CCNB3: variants seen among roughly 807,000 people sequenced by gnomAD.
CCNB3 encodes the protein cyclin B3, also known as G2/mitotic-specific cyclin-B3.
Under a neutral mutation model 68.0 loss-of-function variants are expected in CCNB3, and 12 were observed. The observed-to-expected ratio is 0.18, with a 90% CI of 0.11 to 0.29. CCNB3 has a LOEUF of 0.29. CCNB3 is among the 10% of genes least tolerant of loss of function. The pLI is 1.00. For missense variants in CCNB3, 904 were observed against 993.1 expected (o/e 0.91, Z 1.21); for synonymous variants, 354 against 388.9 (o/e 0.91, Z 1.06).
chrX:50,295,084 C>A, intron 5 of CCNB3, 91 bp downstream of exon 5: 1 of 946,450 alleles, frequency 1.1e-6, no homozygotes, highest in Non-Finnish European at 1.5e-6. Flanking sequence ...TAGCAAGCCA[C>A]AATGGTGACT....
In CCNB3 at chrX:50,347,718, C is replaced by G. The variant is rs145795439; in HGVS notation, c.3903C>G (p.Ser1301=). Residue 1301 remains serine, a synonymous_variant, in exon 11 of 13, where the codon TCC becomes TCG. Coordinates refer to ENST00000376042, the MANE Select transcript of CCNB3 (RefSeq NM_033031.3). ...QEYHYVQEKA[S]KLAAASLLLA... is the part of the protein sequence containing the mutation. ...ACCACTATGTCCAGGAGAAGGCTTC[C>G]AAGCTAGCTGCTGCCTCCTTACTCC... is the stretch of plus-strand genomic sequence containing the variant. 1.1e-3 allele frequency: 1,375 copies of G among 1,208,627 alleles called. 5 individuals carry two copies. Among genetic ancestry groups the G allele is most frequent in the South Asian group, 1.2e-3 (70 of 56,632 alleles).
At chrX:50,212,749 G>T (rs1177001506) in intron 1 of CCNB3, among the ~76,000 whole-genome samples, 1,858 of 110,964 alleles carry the variant, frequency 0.017, 16 homozygotes, top group Middle Eastern at 0.028. Context: ...GCCTATTCTG[G>T]ATATTCAATA....
intron 8 of CCNB3, among the ~76,000 whole-genome samples, chrX:50,318,514 AAAC>A (rs1188293785): frequency 1.5e-4 from 17 of 111,727 alleles, no homozygotes; most frequent in Non-Finnish European, 2.1e-4. Context: ...CTCCATCTCA[AAAC>A]AACAACAACA....
chrX:50,331,699 T>C (rs1475209560), intron 8 of CCNB3, among the ~76,000 whole-genome samples: 1 of 111,710 alleles, frequency 9.0e-6, no homozygotes, highest in Non-Finnish European at 1.9e-5. Context: ...AAATTTCTTG[T>C]TTTTCCTGGA....
At chrX:50,228,347 A>G (rs1204532662) in intron 1 of CCNB3, among the ~76,000 whole-genome samples, 1 of 93,818 alleles carries the variant, frequency 1.1e-5, no homozygotes, top group Admixed American at 1.4e-4. Flanking sequence ...ATATACATAC[A>G]TATATAGAAG....
At chrX:50,227,556 AT>A (rs1364475196) in intron 1 of CCNB3, among the ~76,000 whole-genome samples, 3 of 88,835 alleles carry the variant, frequency 3.4e-5, no homozygotes, top group African/African-American at 1.2e-4. Flanking sequence ...AGAGAGAGAT[AT>A]AAATACAAAT....
At position 50,309,054 on chromosome X, in the gene CCNB3, G is replaced by A; in HGVS notation, c.885G>A (p.Lys295=). 8.3e-7 allele frequency: 1 copy of A among 1,211,215 alleles called. No individual in the cohort carries two copies. Among genetic ancestry groups the A allele is most frequent in the Non-Finnish European group, 1.1e-6 (1 of 895,132 alleles). Residue 295 remains lysine (K), a synonymous_variant, in exon 6 of 13, where the codon AAG becomes AAA. Transcript: ENST00000376042. ...AGAAGAAATGTACCATTTATGGGAA[G>A]ATATGCCACTTTAGGAAGCCACCAG... ...SLKKKCTIYG[K]ICHFRKPPVL...
chrX:50,313,642 A>T (rs1921580253), intron 7 of CCNB3, among the ~76,000 whole-genome samples: 1 of 111,651 alleles, frequency 9.0e-6, no homozygotes, highest in Non-Finnish European at 1.9e-5. Flanking sequence ...TTCCCCCTGG[A>T]TTCTTCAATA....
At position 50,310,565 on chromosome X, in the gene CCNB3, A is replaced by G. The variant is rs1557214614; in HGVS notation, c.2396A>G (p.Lys799Arg). The change falls in exon 6 of 13, where the codon AAG becomes AGG. Residue 799 changes from lysine to arginine, a missense_variant. Lys to Arg is a conservative substitution (Grantham distance 26). Around this residue, in one of 2 missense-constraint regions of CCNB3, gnomAD observed 619 missense variants for 609.8 expected, o/e 1.02. Coordinates refer to ENST00000376042, the MANE Select transcript of CCNB3 (RefSeq NM_033031.3). Reference sequence around the variant, plus strand: ...ATTGCGGAGGGGGAGACCCTCTTCAAGAAGCTTTTGGCCATGCAGGAGGAG... The same window carrying G: ...ATTGCGGAGGGGGAGACCCTCTTCAGGAAGCTTTTGGCCATGCAGGAGGAG... ...PSIAEGETLF[K>R]KLLAMQEEPS... 1.7e-6 allele frequency: 2 copies of G among 1,211,917 alleles called. No individual in the cohort carries two copies. Among genetic ancestry groups the G allele is most frequent in the Admixed American group, 2.2e-5 (1 of 46,050 alleles).
intron 1 of CCNB3, among the ~76,000 whole-genome samples, chrX:50,279,482 T>C (rs1461263860): frequency 4.9e-5 from 4 of 82,324 alleles, no homozygotes; most frequent in African/African-American, 1.8e-4. Context: ...ATATATGAAA[T>C]ATTCATATAT....
At position 50,310,464 on chromosome X, in the gene CCNB3, G is replaced by C; in HGVS notation, c.2295G>C (p.Gln765His). 3.3e-6 allele frequency: 4 copies of C among 1,210,114 alleles called. No individual in the cohort carries two copies. Among genetic ancestry groups the C allele is most frequent in the Non-Finnish European group, 4.5e-6 (4 of 894,553 alleles). Residue 765 changes from glutamine to histidine, a missense_variant, in exon 6 of 13, where the codon CAG (glutamine) becomes CAC (histidine). By Grantham distance (24) the Gln-to-His change is conservative (BLOSUM62 0). This residue lies in a region of CCNB3 where 619 missense variants were observed against 609.8 expected (regional missense o/e 1.02). Transcript: ENST00000376042. ...SHGKVFFLKKQLALNETINEE... is the reference protein window; with the variant it reads ...SHGKVFFLKKHLALNETINEE... The stretch of plus-strand genomic sequence containing the variant: ...GAAAAGTGTTCTTCCTGAAGAAGCA[G>C]TTGGCTTTGAATGAGACCATCAATG...
At chrX:50,342,637 G>A (rs1462300495) in intron 9 of CCNB3, among the ~76,000 whole-genome samples, 4 of 110,892 alleles carry the variant, frequency 3.6e-5, no homozygotes, top group Non-Finnish European at 5.7e-5. Context: ...ATACAATTAC[G>A]TACAGTACAT....
intron 1 of CCNB3, among the ~76,000 whole-genome samples, chrX:50,280,783 A>G (rs1448881678): frequency 1.8e-5 from 2 of 110,724 alleles, no homozygotes; most frequent in Non-Finnish European, 3.8e-5. Context: ...TTTTTGAGAC[A>G]GGGTCTCAGT....
At chrX:50,293,056 C>T (rs992548017) in intron 4 of CCNB3, among the ~76,000 whole-genome samples, 1 of 111,859 alleles carries the variant, frequency 8.9e-6, no homozygotes, top group Non-Finnish European at 1.9e-5. Context: ...CTTATACATA[C>T]GTCTGTATAT....
At position 50,309,792 on chromosome X, in the gene CCNB3, G is replaced by A. The variant is rs782679854; in HGVS notation, c.1623G>A (p.Glu541=). 4 of 1,210,378 alleles carry A rather than the reference G, an allele frequency of 3.3e-6. No homozygotes were observed. The highest frequency in any genetic ancestry group is 1.7e-5 in the African/African-American group (1 of 57,905). The change falls in exon 6 of 13, where the codon GAG becomes GAA. Residue 541 remains glutamate (E), a synonymous_variant. Transcript: ENST00000376042. ...VSLKKKCTTQ[E]MMSICPELLD... ...TAAAGAAAAAGTGTACCACACAAGA[G>A]ATGATGTCCATCTGTCCAGAACTGT...
At chrX:50,300,289 G>A (rs1367096432) in intron 5 of CCNB3, among the ~76,000 whole-genome samples, 3 of 111,462 alleles carry the variant, frequency 2.7e-5, no homozygotes, top group Non-Finnish European at 5.7e-5. Context: ...TCCTTTCCAT[G>A]TTTAGTGCTT....
chrX:50,318,062 C>G (rs1324526458), intron 8 of CCNB3, among the ~76,000 whole-genome samples: 1 of 110,691 alleles, frequency 9.0e-6, no homozygotes, highest in Admixed American at 9.6e-5. Flanking sequence ...TGTTTTTGCA[C>G]CTTGCTAAAA....
chrX:50,346,209 A>G (rs781884338), intron 9 of CCNB3, among the ~76,000 whole-genome samples: 5 of 110,983 alleles, frequency 4.5e-5, no homozygotes, highest in South Asian at 3.8e-4. Context: ...CCCTCCTCAA[A>G]CATCCTTACT....
At chrX:50,349,622 T>C (rs1470310855) in intron 11 of CCNB3, among the ~76,000 whole-genome samples, 2 of 112,112 alleles carry the variant, frequency 1.8e-5, no homozygotes, top group African/African-American at 6.5e-5. Context: ...ACACATCCAG[T>C]CTACTCCATT....
Sources: gnomAD v4.1 joint callset for allele counts (sites outside exome capture counted in the v4.1 genomes callset) on GRCh38, gnomAD v4.1.1 for gene constraint, gnomAD v4.1.1 regional missense constraint, MANE v1.5 for transcripts, NCBI Gene and HGNC (gene_info 2026-07-23, HGNC 2026-07-21) for gene names.